The following B3GAT2 variants were observed in gnomAD, a reference collection of about 807,000 sequenced individuals.
The protein encoded by B3GAT2 is beta-1,3-glucuronyltransferase 2.
Under a neutral mutation model 27.8 loss-of-function variants are expected in B3GAT2, and 26 were observed. The observed-to-expected ratio is 0.93, with a 90% CI of 0.68 to 1.30. B3GAT2 has a LOEUF of 1.30. B3GAT2 is among the 50% of genes most tolerant of loss of function. B3GAT2 has a pLI of 0.00. For missense variants in B3GAT2, 458 were observed against 459.0 expected (o/e 1.00, Z 0.02); for synonymous variants, 218 against 195.1 (o/e 1.12, Z -0.98).
In B3GAT2 at chr6:70,857,158, C is replaced by G. The variant is rs1342717705; in HGVS notation, c.*4505G>C. On this transcript the variant is annotated 3_prime_UTR_variant, in exon 4 of 4. Transcript: ENST00000230053. ...AGTGCTTTTGTTGTTGCAGTTTATACAACTATGAAGCCGAAATGAATGAGC... is the reference window on the plus strand; with the variant it reads ...AGTGCTTTTGTTGTTGCAGTTTATAGAACTATGAAGCCGAAATGAATGAGC... 1 of 929,122 alleles carries G rather than the reference C, an allele frequency of 1.1e-6. No individual in the cohort carries two copies. Among genetic ancestry groups the G allele is most frequent in the Non-Finnish European group, 1.5e-6 (1 of 670,466 alleles). 57.6% of individuals were successfully genotyped at this position (929,122 alleles called of 1,614,324 possible). A position where few individuals can be genotyped will look rare whatever the true frequency, so the allele number is the denominator to read the frequency against.
At chr6:70,914,472 T>A (rs1582376848) in intron 1 of B3GAT2, among the ~76,000 whole-genome samples, 1 of 152,236 alleles carries the variant, frequency 6.6e-6, no homozygotes, top group South Asian at 2.1e-4. Context: ...TCATCCTTTT[T>A]TATGGCTGCA....
intron 1 of B3GAT2, among the ~76,000 whole-genome samples, chr6:70,929,876 C>T (rs1400269347): frequency 4.6e-5 from 7 of 152,142 alleles, no homozygotes; most frequent in Non-Finnish European, 1.0e-4. Context: ...AAAGAGCCCA[C>T]ATTGCCAAGA....
At position 70,859,291 on chromosome 6, in the gene B3GAT2, T is replaced by G. The variant is rs748411882; in HGVS notation, c.*2372A>C. 6.8e-7 allele frequency: 1 copy of G among 1,465,498 alleles called. No individual in the cohort carries two copies. The highest frequency in any genetic ancestry group is 1.3e-5 in the South Asian group (1 of 77,748). The allele number at this position is 1,465,498 out of a possible 1,614,324, so 90.8% of individuals were successfully genotyped here. A position where few individuals can be genotyped will look rare whatever the true frequency, so the allele number is the denominator to read the frequency against. ...ACCCAGCTCAGGTTAAGGTGCTAGA[T>G]GAACCAGGAAGGAGTTAATACTGGC... is the stretch of plus-strand genomic sequence containing the variant. On this transcript the variant is annotated 3_prime_UTR_variant, in exon 4 of 4. Transcript: ENST00000230053.
rs541013349 is a variant in B3GAT2, at chr6:70,922,000, C to T, written c.592-27728G>A. Among the ~76,000 whole-genome samples, 6 of 152,206 alleles carry T rather than the reference C, an allele frequency of 3.9e-5. No individual in the cohort carries two copies. The East Asian group carries it at 1.2e-3, about 29-fold the overall frequency. Reference sequence around the variant, plus strand: ...CAAGGTATTCCCAGTATGCTGGTAACAGTACTCTGATGGGGGTGCTGGCCA... The same window carrying T: ...CAAGGTATTCCCAGTATGCTGGTAATAGTACTCTGATGGGGGTGCTGGCCA... On this transcript the variant is annotated intron_variant, in intron 1 of 3. Coordinates refer to ENST00000230053, the MANE Select transcript of B3GAT2 (RefSeq NM_080742.3).
intron 1 of B3GAT2, among the ~76,000 whole-genome samples, chr6:70,953,875 T>C (rs1765611135): frequency 6.6e-6 from 1 of 152,154 alleles, no homozygotes; most frequent in Admixed American, 6.5e-5. Context: ...CTACTGGAAT[T>C]TTCTCCTGAT....
intron 2 of B3GAT2, among the ~76,000 whole-genome samples, chr6:70,893,379 T>G (rs111291974): frequency 1.3e-5 from 2 of 151,642 alleles, no homozygotes; most frequent in African/African-American, 2.4e-5. Flanking sequence ...TCTGCCTTCA[T>G]TTTTAAGAGT....
At position 70,860,810 on chromosome 6, in the gene B3GAT2, C is replaced by T. The variant is rs917030859; in HGVS notation, c.*853G>A. ...CACTGTTTTCTAGTGTATCAAAATG[C>T]TCTTATTTCATCATTCACTTCACTG... On this transcript the variant is annotated 3_prime_UTR_variant, in exon 4 of 4. Coordinates refer to ENST00000230053, the MANE Select transcript of B3GAT2 (RefSeq NM_080742.3). 2 of 397,570 alleles carry T rather than the reference C, an allele frequency of 5.0e-6. No homozygotes were observed. Among genetic ancestry groups the T allele is most frequent in the South Asian group, 1.3e-4 (1 of 7,764 alleles). The allele number at this position is 397,570 out of a possible 1,614,324, so 24.6% of individuals were successfully genotyped here. A position where few individuals can be genotyped will look rare whatever the true frequency, so the allele number is the denominator to read the frequency against.
chr6:70,885,877 G>A (rs1406451357), intron 2 of B3GAT2, among the ~76,000 whole-genome samples: 1 of 152,162 alleles, frequency 6.6e-6, no homozygotes, highest in African/African-American at 2.4e-5. Flanking sequence ...ATGTGTCAGA[G>A]CAGGACCCAA....
chr6:70,951,168 T>C (rs1765573299), intron 1 of B3GAT2, among the ~76,000 whole-genome samples: 1 of 152,118 alleles, frequency 6.6e-6, no homozygotes, highest in Admixed American at 6.6e-5. Context: ...AATAGACATA[T>C]CTGTACAATA....
At chr6:70,887,899 T>C (rs1299557774) in intron 2 of B3GAT2, among the ~76,000 whole-genome samples, 1 of 151,514 alleles carries the variant, frequency 6.6e-6, no homozygotes, top group Admixed American at 6.6e-5. Flanking sequence ...CCGCAAAGAT[T>C]GAGTAGAGGG....
intron 2 of B3GAT2, among the ~76,000 whole-genome samples, chr6:70,892,596 G>T (rs914282418): frequency 2.6e-5 from 4 of 152,194 alleles, no homozygotes; most frequent in Non-Finnish European, 5.9e-5. Context: ...GCTCTTACTT[G>T]AGAGTTCCAA....
At chr6:70,866,434 T>C (rs1771852638) in intron 2 of B3GAT2, among the ~76,000 whole-genome samples, 1 of 152,228 alleles carries the variant, frequency 6.6e-6, no homozygotes, top group African/African-American at 2.4e-5. Context: ...TATGTGTTTT[T>C]ATGTATGGTT....
At chr6:70,914,575 T>G (rs1304141136) in intron 1 of B3GAT2, among the ~76,000 whole-genome samples, 3 of 152,314 alleles carry the variant, frequency 2.0e-5, no homozygotes, top group Non-Finnish European at 4.4e-5. Context: ...GAGAAAGCAT[T>G]GATTGTAGAT....
In B3GAT2 at chr6:70,860,930, A is replaced by G. The variant is rs1032932223; in HGVS notation, c.*733T>C. 3 of 377,706 alleles carry G rather than the reference A, an allele frequency of 7.9e-6. No homozygotes were observed. The highest frequency in any genetic ancestry group is 4.5e-5 in the Admixed American group (1 of 22,068). 23.4% of individuals were successfully genotyped at this position (377,706 alleles called of 1,614,324 possible). ...AAAACTTCGTTTAATGAATGCTTAA[A>G]GAATTCAAATTTTATCTGCCTCTCT... On this transcript the variant is annotated 3_prime_UTR_variant, in exon 4 of 4. Coordinates refer to ENST00000230053, the MANE Select transcript of B3GAT2 (RefSeq NM_080742.3).
chr6:70,931,861 A>T (rs968105590), intron 1 of B3GAT2, among the ~76,000 whole-genome samples: 1 of 152,216 alleles, frequency 6.6e-6, no homozygotes, highest in African/African-American at 2.4e-5. Context: ...GGCCATCCTC[A>T]TTTGCAAATC....
chr6:70,925,236 C>A (rs1050342437), intron 1 of B3GAT2, among the ~76,000 whole-genome samples: 8 of 152,114 alleles, frequency 5.3e-5, no homozygotes, highest in East Asian at 1.9e-4. Context: ...GCGTGAGTGA[C>A]GCAGAAGACA....
chr6:70,895,192 G>A (rs1489376343), intron 1 of B3GAT2, among the ~76,000 whole-genome samples: 1 of 152,172 alleles, frequency 6.6e-6, no homozygotes, highest in African/African-American at 2.4e-5. Flanking sequence ...CTTGGACGAG[G>A]TATAACCTGC....
At chr6:70,865,829 AAG>A (rs766619682) in intron 2 of B3GAT2, among the ~76,000 whole-genome samples, 54 of 152,338 alleles carry the variant, frequency 3.5e-4, no homozygotes, top group Non-Finnish European at 5.9e-4. Flanking sequence ...GACATTGGAA[AAG>A]AGGCACATGA....
At chr6:70,866,628 G>A (rs576241646) in intron 2 of B3GAT2, among the ~76,000 whole-genome samples, 1 of 152,136 alleles carries the variant, frequency 6.6e-6, no homozygotes. Context: ...CATAATGATA[G>A]AAACTACCAA....
Sources: gnomAD v4.1 joint callset for allele counts (sites outside exome capture counted in the v4.1 genomes callset) on GRCh38, gnomAD v4.1.1 for gene constraint, MANE v1.5 for transcripts, NCBI Gene and HGNC (gene_info 2026-07-23, HGNC 2026-07-21) for gene names.